Variants in SESTD1 observed in about 807,000 individuals in gnomAD.
The protein encoded by SESTD1 is SEC14 domain and spectrin repeat-containing protein 1.
Under a neutral mutation model 101.7 loss-of-function variants are expected in SESTD1, and 43 were observed. That is an observed-to-expected ratio of 0.42 (90% CI 0.33 to 0.55). The LOEUF is 0.55. Among genes scored for constraint, SESTD1 ranks in the 20% least tolerant of loss-of-function variants. The probability of loss-of-function intolerance (pLI) is 0.07; values close to 1 mark genes in which losing one functional copy is unlikely to be tolerated. For missense variants in SESTD1, 647 were observed against 815.1 expected (o/e 0.79, Z 2.51); for synonymous variants, 283 against 286.8 (o/e 0.99, Z 0.13).
chr2:179,245,425 A>C (rs541328982), intron 1 of SESTD1, among the ~76,000 whole-genome samples: 2 of 151,620 alleles, frequency 1.3e-5, no homozygotes, highest in South Asian at 4.2e-4. Flanking sequence ...CTAAGGCAGA[A>C]GAATCACTTG....
At chr2:179,168,109 G>A (rs2045867903) in intron 5 of SESTD1, among the ~76,000 whole-genome samples, 1 of 152,018 alleles carries the variant, frequency 6.6e-6, no homozygotes, top group African/African-American at 2.4e-5. Flanking sequence ...GGACTGAATT[G>A]CACAGGTCCA....
chr2:179,162,822 TA>T (rs33960106), intron 5 of SESTD1, among the ~76,000 whole-genome samples: 102,910 of 136,962 alleles, frequency 0.75, 40,396 homozygotes, highest in East Asian at 0.88. Flanking sequence ...TCGTCTCTAG[TA>T]AAAAAAAAAA....
intron 17 of SESTD1, among the ~76,000 whole-genome samples, 178 bp from the exon 18 acceptor site, chr2:179,110,206 T>A (rs1415353296): frequency 6.6e-6 from 1 of 152,192 alleles, no homozygotes; most frequent in Non-Finnish European, 1.5e-5. Flanking sequence ...AAACATTTTT[T>A]AAAATGGCAT....
At chr2:179,260,876 T>C (rs1377569101) in intron 1 of SESTD1, among the ~76,000 whole-genome samples, 2 of 152,158 alleles carry the variant, frequency 1.3e-5, no homozygotes, top group Non-Finnish European at 1.5e-5. Flanking sequence ...GAAATGTGTA[T>C]TTATAGATAA....
At chr2:179,201,690 G>A (rs1463860262) in intron 1 of SESTD1, among the ~76,000 whole-genome samples, 5 of 119,710 alleles carry the variant, frequency 4.2e-5, no homozygotes, top group East Asian at 2.1e-4. Flanking sequence ...ACCAAACACC[G>A]CATATTCTCA....
intron 1 of SESTD1, among the ~76,000 whole-genome samples, chr2:179,261,538 G>A (rs2105564039): frequency 6.6e-6 from 1 of 152,054 alleles, no homozygotes; most frequent in Middle Eastern, 3.4e-3. Context: ...ATATACAAAT[G>A]GCCAATAAAA....
Position 179,107,285 on chromosome 2 carries a change from G to C in SESTD1, c.*2614C>G, listed in dbSNP as rs988909401. The C allele has an allele frequency of 2.0e-5, 3 of 152,138 alleles. No individual in the cohort carries two copies. The highest frequency in any genetic ancestry group is 7.2e-5 in the African/African-American group (3 of 41,430). 9.4% of individuals were successfully genotyped at this position (152,138 alleles called of 1,614,324 possible). A position where few individuals can be genotyped will look rare whatever the true frequency, so the allele number is the denominator to read the frequency against. Reference sequence around the variant, plus strand: ...ATATGAAAGCAGCAGCAAATTTACAGATGAGGAGCAATGATATTCATTATG... The same window carrying C: ...ATATGAAAGCAGCAGCAAATTTACACATGAGGAGCAATGATATTCATTATG... On this transcript the variant is annotated 3_prime_UTR_variant, in exon 18 of 18. Coordinates refer to ENST00000428443, the MANE Select transcript of SESTD1 (RefSeq NM_178123.5).
chr2:179,154,080 CA>C (rs748598701), intron 5 of SESTD1, among the ~76,000 whole-genome samples: 64 of 60,726 alleles, frequency 1.1e-3, no homozygotes, highest in East Asian at 3.2e-3. Context: ...CCAATCTCTA[CA>C]AAAAAAAAAA....
intron 16 of SESTD1, 65 bp downstream of exon 16, chr2:179,115,000 T>C: frequency 7.3e-7 from 1 of 1,369,670 alleles, no homozygotes; most frequent in Non-Finnish European, 1.0e-6. Context: ...ATTACTAAAA[T>C]TAACATATTT....
intron 5 of SESTD1, among the ~76,000 whole-genome samples, chr2:179,156,432 C>A (rs963492009): frequency 6.6e-6 from 1 of 152,140 alleles, no homozygotes; most frequent in Non-Finnish European, 1.5e-5. Context: ...AGTGGCTGTA[C>A]TAGTTTACAT....
chr2:179,174,612 G>GAA (rs896554396), intron 4 of SESTD1, among the ~76,000 whole-genome samples: 10 of 152,046 alleles, frequency 6.6e-5, no homozygotes, highest in African/African-American at 2.4e-4. Context: ...TTTTTTCAAA[G>GAA]AAAAAGTTAT....
chr2:179,126,252 T>C (rs776189670), intron 10 of SESTD1, among the ~76,000 whole-genome samples: 28 of 152,322 alleles, frequency 1.8e-4, no homozygotes, highest in Admixed American at 1.2e-3. Context: ...CTGAAACCAA[T>C]TGTCAAATTC....
chr2:179,224,407 C>A (rs1283190620), intron 1 of SESTD1, among the ~76,000 whole-genome samples: 1 of 152,148 alleles, frequency 6.6e-6, no homozygotes, highest in African/African-American at 2.4e-5. Context: ...AAGGCTAAGT[C>A]CAAGGATACA....
rs2044318393 is a variant in SESTD1, at chr2:179,103,571, G to A, written c.*6328C>T. 2 of 152,006 alleles carry A rather than the reference G, an allele frequency of 1.3e-5. No homozygotes were observed. Among genetic ancestry groups the A allele is most frequent in the Admixed American group, 1.3e-4 (2 of 15,244 alleles). The allele number at this position is 152,006 out of a possible 1,614,324, so 9.4% of individuals were successfully genotyped here. The stretch of plus-strand genomic sequence containing the variant: ...TAATAGGAAATTAAGAAAACAAACT[G>A]TAATATTGTCATACAGTGGAATACT... On this transcript the variant is annotated 3_prime_UTR_variant, in exon 18 of 18. Transcript: ENST00000428443.
intron 9 of SESTD1, among the ~76,000 whole-genome samples, chr2:179,136,245 C>T (rs991253643): frequency 6.6e-6 from 1 of 152,158 alleles, no homozygotes; most frequent in African/African-American, 2.4e-5. Flanking sequence ...TTATGACACT[C>T]ATTATATGTA....
chr2:179,223,103 G>A (rs1003549548), intron 1 of SESTD1, among the ~76,000 whole-genome samples: 1 of 152,020 alleles, frequency 6.6e-6, no homozygotes, highest in Non-Finnish European at 1.5e-5. Context: ...GATACCATTA[G>A]GCAATACAAA....
intron 5 of SESTD1, among the ~76,000 whole-genome samples, chr2:179,158,283 TTC>T (rs2045667209): frequency 6.6e-6 from 1 of 152,186 alleles, no homozygotes; most frequent in Non-Finnish European, 1.5e-5. Flanking sequence ...ATTTGGGCCA[TTC>T]TCTCTCTTAT....
chr2:179,126,348 G>A (rs1217527497), intron 10 of SESTD1, among the ~76,000 whole-genome samples: 1 of 152,048 alleles, frequency 6.6e-6, no homozygotes, highest in Non-Finnish European at 1.5e-5. Flanking sequence ...GCTGCATTTG[G>A]CACAAGTAAG....
At chr2:179,143,844 AAATGT>A in intron 8 of SESTD1, 41 bp from the exon 9 acceptor site, 2 of 1,591,432 alleles carry the variant, frequency 1.3e-6, no homozygotes, top group Non-Finnish European at 1.7e-6. Flanking sequence ...ATCTGTAAAG[AAATGT>A]AATTCTCACT....
Sources: allele counts gnomAD v4.1 joint callset (sites outside exome capture counted in the v4.1 genomes callset), GRCh38; gene constraint gnomAD v4.1.1; transcripts MANE v1.5; gene names NCBI Gene and HGNC (gene_info 2026-07-23, HGNC 2026-07-21).